The following DGKZ variants were observed in gnomAD, a reference collection of about 807,000 sequenced individuals.
The protein encoded by DGKZ is diacylglycerol kinase zeta.
DGKZ carries 45 observed loss-of-function variants against 142.5 expected under a neutral mutation model. The ratio of observed to expected loss-of-function variants is 0.32; its 90% CI spans 0.25 to 0.40. DGKZ has a LOEUF of 0.40. Among genes scored for constraint, DGKZ ranks in the 10% least tolerant of loss-of-function variants. The pLI is 1.00. For missense variants in DGKZ, 755 were observed against 1,306.5 expected (o/e 0.58, Z 6.51); for synonymous variants, 442 against 527.0 (o/e 0.84, Z 2.21).
intron 1 of DGKZ, among the ~76,000 whole-genome samples, chr11:46,348,274 C>T (rs1245321894): frequency 1.3e-5 from 2 of 152,218 alleles, no homozygotes; most frequent in Admixed American, 6.5e-5. Context: ...TTTGGACTTT[C>T]GTGGGACCAG....
chr11:46,340,704 C>T (rs1319619369), intron 1 of DGKZ, among the ~76,000 whole-genome samples: 3 of 152,250 alleles, frequency 2.0e-5, no homozygotes, highest in Non-Finnish European at 2.9e-5. Flanking sequence ...CCAGCTCAGA[C>T]ACATCTGTCT....
At chr11:46,375,866 A>G (rs1944471187) in exon 21 of DGKZ, 1 of 1,566,168 alleles carries the variant, frequency 6.4e-7, no homozygotes, top group Admixed American at 1.9e-5. Flanking sequence ...AGCCGGTGCC[A>G]GAGCAGTTGC....
exon 30 of DGKZ, chr11:46,379,505 C>G (rs762855409): frequency 6.2e-7 from 1 of 1,611,434 alleles, no homozygotes; most frequent in South Asian, 1.1e-5. Context: ...CGGCCCTGGG[C>G]CAGCGCACCA....
rs770640738 is a variant in DGKZ, at chr11:46,367,836, G to A, written c.366+89G>A. On this transcript the variant is annotated intron_variant, in intron 3 of 30. Coordinates refer to ENST00000527911, the Ensembl canonical transcript of DGKZ. This position sits in a 1 kb window ranked among gnomAD's most constrained non-coding sequence, Gnocchi z 4.1. The stretch of plus-strand genomic sequence containing the variant: ...AACGTGGGATTGAGCCCGCTCCCTG[G>A]CACCCCTGCTGTGGGCCGCCCCAGG... 18 of 1,563,642 alleles carry A rather than the reference G, an allele frequency of 1.2e-5. No homozygotes were observed. The African/African-American group carries it at 2.0e-4, about 18-fold the overall frequency.
At chr11:46,337,586 G>T (rs374589489) in intron 1 of DGKZ, among the ~76,000 whole-genome samples, 13 of 151,922 alleles carry the variant, frequency 8.6e-5, no homozygotes, top group Non-Finnish European at 1.0e-4. Flanking sequence ...ATAAGCCACC[G>T]CGCCCAGCCT....
intron 5 of DGKZ, 53 bp from the exon 6 acceptor site, chr11:46,369,888 A>T (rs1174376883): frequency 1.9e-5 from 31 of 1,590,086 alleles, no homozygotes; most frequent in Middle Eastern, 1.7e-4. Flanking sequence ...AGTCCTCAGG[A>T]CTGTGCCCCT....
Position 46,367,178 on chromosome 11 carries a change from T to C in DGKZ, c.162-113T>C. The C allele has an allele frequency of 2.4e-6, 3 of 1,256,316 alleles. No individual in the cohort carries two copies. Among genetic ancestry groups the C allele is most frequent in the Non-Finnish European group, 3.4e-6 (3 of 880,866 alleles). 77.8% of individuals were successfully genotyped at this position (1,256,316 alleles called of 1,614,324 possible). A position where few individuals can be genotyped will look rare whatever the true frequency, so the allele number is the denominator to read the frequency against. ...TTAGTGTCTGGGGCTGCTGGGAGGC[T>C]CCTCCGCCCTCCCTGTTGCCGAGGT... On this transcript the variant is annotated intron_variant, in intron 1 of 30. Transcript: ENST00000527911. This position sits in a 1 kb window ranked among gnomAD's most constrained non-coding sequence, Gnocchi z 4.1.
upstream of DGKZ, among the ~76,000 whole-genome samples, chr11:46,345,020 A>G (rs1237977342): frequency 2.0e-5 from 3 of 152,180 alleles, no homozygotes; most frequent in East Asian, 5.8e-4. This position sits in a 1 kb window ranked among gnomAD's most constrained non-coding sequence, Gnocchi z 4.1. Flanking sequence ...TGCTGCACAC[A>G]GAAGTGCTAG....
At chr11:46,376,603 C>A in intron 24 of DGKZ, 39 bp downstream of exon 24, 1 of 1,612,248 alleles carries the variant, frequency 6.2e-7, no homozygotes, top group Non-Finnish European at 8.5e-7. Context: ...CAGCTGCTTC[C>A]GGGCCCCAGG....
At position 46,367,708 on chromosome 11, in the gene DGKZ, C is replaced by A; in HGVS notation, c.327C>A (p.Phe109Leu). ...TCGAGACCAACGTGTCCGGGGACTT[C>A]TGCTACGTTGGGGAGCAGTACTGTG... The change falls in exon 3 of 31, where the codon TTC becomes TTA. Residue 109 changes from phenylalanine (F) to leucine (L), a missense_variant. By Grantham distance (22) the Phe-to-Leu change is conservative. Coordinates refer to ENST00000527911, the Ensembl canonical transcript of DGKZ. This position sits in a 1 kb window ranked among gnomAD's most constrained non-coding sequence, Gnocchi z 4.1. The A allele has an allele frequency of 2.5e-6, 4 of 1,612,368 alleles. No individual in the cohort carries two copies. The highest frequency in any genetic ancestry group is 3.4e-6 in the Non-Finnish European group (4 of 1,179,480).
At chr11:46,349,436 A>ATTCCTCCC (rs1941091966) in intron 1 of DGKZ, among the ~76,000 whole-genome samples, 2 of 152,196 alleles carry the variant, frequency 1.3e-5, no homozygotes, top group Admixed American at 1.3e-4. Flanking sequence ...TCTGAAGGGC[A>ATTCCTCCC]CAGGTTTGTG....
intron 14 of DGKZ, 73 bp downstream of exon 14, chr11:46,373,174 T>A: frequency 6.8e-7 from 1 of 1,471,562 alleles, no homozygotes; most frequent in South Asian, 1.4e-5. Flanking sequence ...ACTTGCTGGT[T>A]CTGGGACCTC....
At chr11:46,369,440 C>T in intron 4 of DGKZ, 54 bp from the exon 5 acceptor site, 1 of 1,608,008 alleles carries the variant, frequency 6.2e-7, no homozygotes, top group Non-Finnish European at 8.5e-7. Context: ...TGACCACATA[C>T]CTGACCCCGA....
At chr11:46,341,738 G>C (rs1940286055) in intron 1 of DGKZ, among the ~76,000 whole-genome samples, 1 of 152,128 alleles carries the variant, frequency 6.6e-6, no homozygotes, top group Admixed American at 6.5e-5. Flanking sequence ...CAAATACTCA[G>C]GGAAGACAAC....
At chr11:46,341,431 C>T (rs1210925174) in intron 1 of DGKZ, among the ~76,000 whole-genome samples, 1 of 152,140 alleles carries the variant, frequency 6.6e-6, no homozygotes, top group East Asian at 1.9e-4. Flanking sequence ...GGGTGGAATG[C>T]CAGTTCAGGA....
At chr11:46,340,356 G>A (rs12273330) in intron 1 of DGKZ, among the ~76,000 whole-genome samples, 14,413 of 152,230 alleles carry the variant, frequency 0.095, 2,267 homozygotes, top group African/African-American at 0.33. Context: ...CACACTGACC[G>A]TGTCGTGGGG....
chr11:46,363,348 G>A (rs1942888556), intron 1 of DGKZ, among the ~76,000 whole-genome samples: 1 of 152,234 alleles, frequency 6.6e-6, no homozygotes, highest in Admixed American at 6.5e-5. Context: ...CAAATTGTCA[G>A]CTCAGCCACT....
chr11:46,350,160 C>G (rs1444486400), intron 1 of DGKZ, among the ~76,000 whole-genome samples: 2 of 152,128 alleles, frequency 1.3e-5, no homozygotes, highest in Non-Finnish European at 2.9e-5. Flanking sequence ...TTCAGAGAAC[C>G]CAGTAGTATC....
chr11:46,333,517 G>C (rs1225487430), intron 1 of DGKZ: 4 of 1,532,492 alleles, frequency 2.6e-6, no homozygotes, highest in East Asian at 5.0e-5. Context: ...AGGGGAGCGC[G>C]GCGCTTGGGA....
Sources: allele counts gnomAD v4.1 joint callset (sites outside exome capture counted in the v4.1 genomes callset), GRCh38; gene constraint gnomAD v4.1.1; non-coding constraint Gnocchi (gnomAD v3.1); transcripts MANE v1.5; gene names NCBI Gene and HGNC (gene_info 2026-07-23, HGNC 2026-07-21).